RBFOX1: variants seen among roughly 807,000 people sequenced by gnomAD.
RBFOX1 encodes the protein RNA binding fox-1 homolog 1, also known as RNA binding protein fox-1 homolog 1.
Under a neutral mutation model 57.7 loss-of-function variants are expected in RBFOX1, and 8 were observed. The ratio of observed to expected loss-of-function variants is 0.14; its 90% confidence interval spans 0.08 to 0.25. The LOEUF is 0.25. Ranked by LOEUF, RBFOX1 falls within the 10% of genes least tolerant of loss-of-function variation. RBFOX1 has a pLI of 1.00. For missense variants in RBFOX1, 611 were observed against 548.5 expected (o/e 1.11, Z -1.14); for synonymous variants, 326 against 222.4 (o/e 1.47, Z -4.15).
intron 2 of RBFOX1, among the ~76,000 whole-genome samples, chr16:5,573,753 C>T (rs191356943): frequency 4.6e-5 from 7 of 152,132 alleles, no homozygotes; most frequent in Admixed American, 1.3e-4. Flanking sequence ...CTGGAGCCCA[C>T]GAGTTCAAGA....
At chr16:7,240,025 G>A (rs2093978685) in intron 4 of RBFOX1, among the ~76,000 whole-genome samples, 1 of 152,168 alleles carries the variant, frequency 6.6e-6, no homozygotes, top group Non-Finnish European at 1.5e-5. Flanking sequence ...GGAGTGCAAT[G>A]CTGCAATGTC....
chr16:6,304,048 G>T (rs551186884), intron 1 of RBFOX1, among the ~76,000 whole-genome samples: 38 of 150,666 alleles, frequency 2.5e-4, no homozygotes, highest in African/African-American at 7.6e-4. Flanking sequence ...CTGACCTCAT[G>T]ATCTGCCTGC....
At chr16:5,743,873 T>C (rs1337846340) in intron 3 of RBFOX1, among the ~76,000 whole-genome samples, 1 of 152,200 alleles carries the variant, frequency 6.6e-6, no homozygotes, top group South Asian at 2.1e-4. Context: ...CATAACACGG[T>C]ATTGTTAATG....
At chr16:6,151,898 A>G (rs571324758) in intron 1 of RBFOX1, among the ~76,000 whole-genome samples, 1 of 152,322 alleles carries the variant, frequency 6.6e-6, no homozygotes, top group African/African-American at 2.4e-5. Flanking sequence ...CTTGAAGAGC[A>G]TTACTAAGAT....
chr16:5,921,350 A>G (rs2058817119), intron 4 of RBFOX1, among the ~76,000 whole-genome samples: 1 of 152,124 alleles, frequency 6.6e-6, no homozygotes, highest in Non-Finnish European at 1.5e-5. Flanking sequence ...AGGGATAGCA[A>G]TTTTTGTATA....
At chr16:7,369,268 C>T (rs560291041) in intron 4 of RBFOX1, among the ~76,000 whole-genome samples, 65 of 152,088 alleles carry the variant, frequency 4.3e-4, no homozygotes, top group Admixed American at 1.6e-3. Flanking sequence ...CTGCAGCTCT[C>T]GGGGGCTGAC....
chr16:5,403,508 A>G (rs902433302), intron 1 of RBFOX1, among the ~76,000 whole-genome samples: 1 of 152,110 alleles, frequency 6.6e-6, no homozygotes, highest in African/African-American at 2.4e-5. Flanking sequence ...CAGTGGCACA[A>G]TCTTGGCTCA....
intron 2 of RBFOX1, among the ~76,000 whole-genome samples, chr16:6,620,858 A>G (rs145818923): frequency 6.6e-6 from 1 of 152,210 alleles, no homozygotes; most frequent in African/African-American, 2.4e-5. Flanking sequence ...AAAGCTCCAC[A>G]CTTAAAATCC....
intron 1 of RBFOX1, among the ~76,000 whole-genome samples, chr16:6,288,455 G>C (rs7199463): frequency 5.9e-5 from 9 of 151,970 alleles, no homozygotes; most frequent in African/African-American, 2.2e-4. Context: ...GGGTAGCAAG[G>C]ATTTTAAACA....
Position 5,522,891 on chromosome 16 carries a change from A to C in RBFOX1, c.258+55637A>C, listed in dbSNP as rs537899624. On this transcript the variant is annotated intron_variant, in intron 2 of 2. Coordinates refer to the RBFOX1 transcript ENST00000585867. The stretch of plus-strand genomic sequence containing the variant: ...GGATTCCATTCTTTTTTTATGGCTG[A>C]ATAGCATTCCATCGTGTATCTATAT... Among the ~76,000 whole-genome samples, 218 of 152,310 alleles carry C rather than the reference A, an allele frequency of 1.4e-3. 2 individuals are homozygous for C. The highest frequency in any genetic ancestry group is 5.1e-3 in the African/African-American group (210 of 41,566).
intron 4 of RBFOX1, among the ~76,000 whole-genome samples, chr16:5,880,852 A>C (rs1294602118): frequency 6.6e-6 from 1 of 152,246 alleles, no homozygotes; most frequent in Non-Finnish European, 1.5e-5. Flanking sequence ...TTAAAACATG[A>C]TTCAGTCAAA....
chr16:6,856,713 C>G (rs1041891836), intron 3 of RBFOX1, among the ~76,000 whole-genome samples: 1 of 152,110 alleles, frequency 6.6e-6, no homozygotes, highest in Non-Finnish European at 1.5e-5. Flanking sequence ...AAGTGGTTAT[C>G]TCAATCACAA....
intron 4 of RBFOX1, among the ~76,000 whole-genome samples, chr16:7,279,746 G>C (rs1306928040): frequency 6.6e-6 from 1 of 152,230 alleles, no homozygotes; most frequent in Admixed American, 6.5e-5. Context: ...TGACCTGAAT[G>C]AGTGCTTCTC....
At chr16:5,821,142 C>G (rs1225782866) in intron 3 of RBFOX1, among the ~76,000 whole-genome samples, 1 of 152,176 alleles carries the variant, frequency 6.6e-6, no homozygotes, top group East Asian at 1.9e-4. Flanking sequence ...CAAAGGCTCT[C>G]TGCTGCAGAC....
intron 3 of RBFOX1, among the ~76,000 whole-genome samples, chr16:5,751,282 T>G (rs2053189891): frequency 2.0e-5 from 3 of 152,310 alleles, no homozygotes; most frequent in Admixed American, 2.0e-4. Context: ...TCACTGATTC[T>G]GGGCATTATG....
At chr16:5,288,202 A>C (rs1411692276) in intron 1 of RBFOX1, among the ~76,000 whole-genome samples, 1 of 152,236 alleles carries the variant, frequency 6.6e-6, no homozygotes, top group East Asian at 1.9e-4. Context: ...AATCAGTTGT[A>C]GATTTGAATT....
Position 7,294,982 on chromosome 16 carries a change from A to G in RBFOX1, c.28-223165A>G, listed in dbSNP as rs1481911541. On this transcript the variant is annotated intron_variant, in intron 4 of 15. Transcript: ENST00000550418. ...TATGTAAATTGGAACTATAAAAATA[A>G]TCTACCTTGCAGGATTTTGTGAAGA... Among the ~76,000 whole-genome samples the G allele has an allele frequency of 4.6e-5, 7 of 152,322 alleles. No individual in the cohort carries two copies. In the East Asian group the frequency reaches 1.4e-3, roughly 29 times the overall value.
chr16:7,708,405 T>C (rs1211962864), intron 14 of RBFOX1, among the ~76,000 whole-genome samples: 2 of 152,330 alleles, frequency 1.3e-5, no homozygotes, highest in African/African-American at 4.8e-5. Context: ...TTAAGATTTG[T>C]TGTTTCAAAT....
At chr16:6,268,069 T>C (rs1385799724) in intron 1 of RBFOX1, among the ~76,000 whole-genome samples, 2 of 152,212 alleles carry the variant, frequency 1.3e-5, no homozygotes, top group Admixed American at 6.5e-5. Context: ...GCTGAATGTA[T>C]TAATGGCCTT....
Sources: allele counts gnomAD v4.1 joint callset (sites outside exome capture counted in the v4.1 genomes callset), GRCh38; gene constraint gnomAD v4.1.1; transcripts MANE v1.5; gene names NCBI Gene and HGNC (gene_info 2026-07-23, HGNC 2026-07-21).